The following FBLN5 variants were observed in gnomAD, a reference collection of about 807,000 sequenced individuals.
FBLN5 encodes the protein fibulin-5.
A neutral mutation model predicts 61.6 loss-of-function variants in FBLN5; 24 were observed. The observed-to-expected ratio is 0.39, with a 90% confidence interval of 0.28 to 0.55. The LOEUF (loss-of-function observed/expected upper bound fraction) is 0.55, where lower values mean the gene tolerates loss of function less well. FBLN5 is among the 20% of genes least tolerant of loss of function. FBLN5 has a pLI of 0.65. For missense variants in FBLN5, 470 were observed against 594.1 expected, an observed-to-expected ratio of 0.79 and a Z score of 2.17; for synonymous variants, 213 against 219.8, an observed-to-expected ratio of 0.97 and a Z score of 0.27.
chr14:91,905,871 C>T (rs1890664282), intron 4 of FBLN5, among the ~76,000 whole-genome samples: 1 of 149,282 alleles, frequency 6.7e-6, no homozygotes, highest in Non-Finnish European at 1.5e-5. Flanking sequence ...AGCCACCACA[C>T]CTGGCCGAGT....
chr14:91,936,696 G>A (rs1449424326), intron 4 of FBLN5, among the ~76,000 whole-genome samples: 2 of 152,186 alleles, frequency 1.3e-5, no homozygotes, highest in African/African-American at 2.4e-5. Context: ...TAGGTAGATA[G>A]ATGAAAGTAA....
intron 4 of FBLN5, among the ~76,000 whole-genome samples, chr14:91,914,097 C>T (rs1461199902): frequency 6.6e-6 from 1 of 152,204 alleles, no homozygotes; most frequent in Non-Finnish European, 1.5e-5. Context: ...AATCCTAGCA[C>T]TTTGGGAGGC....
chr14:91,905,337 G>A (rs1431718561), intron 4 of FBLN5, among the ~76,000 whole-genome samples: 4 of 152,148 alleles, frequency 2.6e-5, no homozygotes, highest in African/African-American at 9.7e-5. Flanking sequence ...GAGGGCAGAT[G>A]TGGCACACAA....
At chr14:91,919,176 CA>C (rs1269070284) in intron 4 of FBLN5, among the ~76,000 whole-genome samples, 1 of 151,536 alleles carries the variant, frequency 6.6e-6, no homozygotes, top group African/African-American at 2.4e-5. Flanking sequence ...AGTAAAAATA[CA>C]AAAATTAGCT....
At chr14:91,871,135 C>T (rs923972553) in intron 10 of FBLN5, among the ~76,000 whole-genome samples, 6 of 149,970 alleles carry the variant, frequency 4.0e-5, no homozygotes, top group East Asian at 2.0e-4. Context: ...AACCAACATG[C>T]ACATGTACTC....
chr14:91,914,067 G>A (rs183823990), intron 4 of FBLN5, among the ~76,000 whole-genome samples: 1 of 152,380 alleles, frequency 6.6e-6, no homozygotes. Context: ...AAGGGGCCAT[G>A]CACAGTTGCT....
At chr14:91,937,711 CA>C (rs1195378343) in intron 3 of FBLN5, among the ~76,000 whole-genome samples, 7 of 152,202 alleles carry the variant, frequency 4.6e-5, no homozygotes, top group Non-Finnish European at 1.0e-4. Flanking sequence ...AGAGAGCCCC[CA>C]CCAGCAAGAA....
intron 4 of FBLN5, among the ~76,000 whole-genome samples, chr14:91,903,493 T>C (rs1468232739): frequency 6.6e-6 from 1 of 152,204 alleles, no homozygotes; most frequent in Non-Finnish European, 1.5e-5. Context: ...AACTGAGTAC[T>C]CATGAACATA....
At chr14:91,908,802 C>T (rs1890788559) in intron 4 of FBLN5, among the ~76,000 whole-genome samples, 1 of 152,160 alleles carries the variant, frequency 6.6e-6, no homozygotes, top group African/African-American at 2.4e-5. Context: ...TTGAGAACTA[C>T]TGACCTAGCC....
intron 4 of FBLN5, 64 bp from the exon 5 acceptor site, chr14:91,895,136 G>C: frequency 6.2e-7 from 1 of 1,601,216 alleles, no homozygotes; most frequent in Non-Finnish European, 8.5e-7. Flanking sequence ...GAGCCACCAG[G>C]GGTGCCAGTG....
chr14:91,925,230 C>T (rs1340788578), intron 4 of FBLN5, among the ~76,000 whole-genome samples: 1 of 152,228 alleles, frequency 6.6e-6, no homozygotes, highest in South Asian at 2.1e-4. Context: ...CCAACATACC[C>T]GCCGGCCCCA....
chr14:91,882,668 C>G lies in FBLN5; in HGVS notation c.862+286G>C, dbSNP rs1293061657. On this transcript the variant is annotated intron_variant, in intron 8 of 10. Coordinates refer to ENST00000342058, the MANE Select transcript of FBLN5 (RefSeq NM_006329.4). This position sits in a 1 kb window ranked among gnomAD's most constrained non-coding sequence, Gnocchi z 4.9. Reference sequence around the variant, plus strand: ...AGCCTCAGAGATCTGCCTGGGGAGGCAGAAAGCCACGCTTAGAGGCTGCCG... The same window carrying G: ...AGCCTCAGAGATCTGCCTGGGGAGGGAGAAAGCCACGCTTAGAGGCTGCCG... Among the ~76,000 whole-genome samples, 1 of 152,206 alleles carries G rather than the reference C, an allele frequency of 6.6e-6. No homozygotes were observed. Among genetic ancestry groups the G allele is most frequent in the Non-Finnish European group, 1.5e-5 (1 of 68,026 alleles).
chr14:91,924,203 A>G (rs2055788316), intron 4 of FBLN5, among the ~76,000 whole-genome samples: 3 of 152,262 alleles, frequency 2.0e-5, no homozygotes, highest in Admixed American at 2.0e-4. Context: ...TAATCTTTAC[A>G]TGCACAGCTC....
chr14:91,934,760 C>A (rs542822899), intron 4 of FBLN5, among the ~76,000 whole-genome samples: 1 of 152,304 alleles, frequency 6.6e-6, no homozygotes, highest in East Asian at 1.9e-4. Context: ...AATGATCCCC[C>A]CATCTGGTTT....
At chr14:91,909,630 G>C (rs1890836668) in intron 4 of FBLN5, among the ~76,000 whole-genome samples, 2 of 152,168 alleles carry the variant, frequency 1.3e-5, no homozygotes, top group Non-Finnish European at 2.9e-5. Flanking sequence ...ACAGACCCGA[G>C]CTGATATTCA....
At chr14:91,915,319 T>C (rs947996676) in intron 4 of FBLN5, among the ~76,000 whole-genome samples, 2 of 152,026 alleles carry the variant, frequency 1.3e-5, no homozygotes, top group South Asian at 2.1e-4. Flanking sequence ...GACAAGTTCT[T>C]AGAAAAAGGT....
At chr14:91,921,974 G>A (rs1342418890) in intron 4 of FBLN5, among the ~76,000 whole-genome samples, 1 of 152,166 alleles carries the variant, frequency 6.6e-6, no homozygotes, top group African/African-American at 2.4e-5. Flanking sequence ...ACTCTGGGAT[G>A]TGGGACAGTC....
chr14:91,926,676 C>T (rs2055834089), intron 4 of FBLN5, among the ~76,000 whole-genome samples: 1 of 152,098 alleles, frequency 6.6e-6, no homozygotes, highest in Non-Finnish European at 1.5e-5. Context: ...CAACAAGCAC[C>T]TGCCACGTGT....
rs531822270 is a variant in FBLN5 at position 91,877,778 on chromosome 14, C to T, written c.990-96G>A. 368 of 919,162 alleles carry T rather than the reference C, an allele frequency of 4.0e-4. 12 individuals are homozygous for T. In the South Asian group the frequency reaches 4.9e-3, roughly 12 times the overall value. 56.9% of individuals were successfully genotyped at this position (919,162 alleles called of 1,614,324 possible). On this transcript the variant is annotated intron_variant, in intron 9 of 10. Transcript: ENST00000342058. ...TTAAAACACTGAAAATGAGGCCACCCCATTTTTAGCATCCAAATGCCATAA... is the reference window on the plus strand; with the variant it reads ...TTAAAACACTGAAAATGAGGCCACCTCATTTTTAGCATCCAAATGCCATAA...
Sources: gnomAD v4.1 joint callset for allele counts (sites outside exome capture counted in the v4.1 genomes callset) on GRCh38, gnomAD v4.1.1 for gene constraint, Gnocchi (gnomAD v3.1) non-coding constraint, MANE v1.5 for transcripts, NCBI Gene and HGNC (gene_info 2026-07-23, HGNC 2026-07-21) for gene names.